CTNNA2: variants seen among roughly 807,000 people sequenced by gnomAD.
The protein encoded by CTNNA2 is catenin alpha-2.
Under a neutral mutation model 101.0 loss-of-function variants are expected in CTNNA2, and 42 were observed. The ratio of observed to expected loss-of-function variants is 0.42; its 90% confidence interval spans 0.32 to 0.54. The LOEUF is 0.54. CTNNA2 is among the 20% of genes least tolerant of loss of function. CTNNA2 has a pLI of 0.14. For missense variants in CTNNA2, 871 were observed against 1,223.1 expected (o/e 0.71, Z 4.29); for synonymous variants, 450 against 456.4 (o/e 0.99, Z 0.18).
At chr2:79,977,222 G>GCACA (rs72018840) in intron 7 of CTNNA2, among the ~76,000 whole-genome samples, 13,017 of 144,706 alleles carry the variant, frequency 0.09, 663 homozygotes, top group South Asian at 0.18. Flanking sequence ...GCATATGCAT[G>GCACA]CACACACACA....
chr2:79,207,041 G>A (rs1457118960), intron 2 of CTNNA2, among the ~76,000 whole-genome samples: 1 of 152,114 alleles, frequency 6.6e-6, no homozygotes, highest in African/African-American at 2.4e-5. Context: ...TGGCAATGTG[G>A]CAAAGTACAT....
rs538256551 is a variant in CTNNA2 at position 80,011,132 on chromosome 2, T to C, written c.1056+101335T>C. On this transcript the variant is annotated intron_variant, in intron 7 of 18. Transcript: ENST00000402739. The stretch of plus-strand genomic sequence containing the variant: ...CATTTTTACACCCCTCAAGAGCAAA[T>C]AGTCCATGCTTATTATTATTTAAAA... 2.6e-5 allele frequency among the ~76,000 whole-genome samples: 4 copies of C among 152,208 alleles called. No individual in the cohort carries two copies. In the South Asian group the frequency reaches 8.3e-4, roughly 32 times the overall value.
intron 1 of CTNNA2, among the ~76,000 whole-genome samples, chr2:79,609,034 AGTT>A (rs947000987): frequency 6.6e-5 from 10 of 152,054 alleles, no homozygotes; most frequent in Admixed American, 5.9e-4. Flanking sequence ...ACTTTTGCGA[AGTT>A]GTGGTATACA....
At chr2:80,449,973 T>G (rs979241381) in intron 9 of CTNNA2, among the ~76,000 whole-genome samples, 32 of 152,360 alleles carry the variant, frequency 2.1e-4, no homozygotes, top group Non-Finnish European at 4.1e-4. Flanking sequence ...TTGAATTTCC[T>G]GGAAAATTTG....
chr2:79,774,935 G>A (rs968698331), intron 3 of CTNNA2, among the ~76,000 whole-genome samples: 9 of 152,060 alleles, frequency 5.9e-5, no homozygotes, highest in African/African-American at 1.9e-4. Context: ...ATTGCAGATT[G>A]CGTCAGTAAC....
intron 9 of CTNNA2, among the ~76,000 whole-genome samples, chr2:80,465,111 G>C (rs1050136172): frequency 6.6e-6 from 1 of 152,082 alleles, no homozygotes; most frequent in Non-Finnish European, 1.5e-5. Context: ...TCTCCAGCAG[G>C]GAATCTTGCC....
chr2:80,187,583 G>C (rs1347519511), intron 7 of CTNNA2, among the ~76,000 whole-genome samples: 1 of 152,106 alleles, frequency 6.6e-6, no homozygotes, highest in African/African-American at 2.4e-5. Flanking sequence ...CAAGAACGAG[G>C]GCAGTAATAG....
At chr2:80,286,357 G>T (rs1325476214) in intron 7 of CTNNA2, among the ~76,000 whole-genome samples, 1 of 152,036 alleles carries the variant, frequency 6.6e-6, no homozygotes, top group African/African-American at 2.4e-5. Flanking sequence ...ACACTAGTCT[G>T]GACTCTGTTC....
intron 2 of CTNNA2, among the ~76,000 whole-genome samples, chr2:79,200,035 GA>G (rs1674012445): frequency 6.8e-6 from 1 of 147,610 alleles, no homozygotes; most frequent in African/African-American, 2.6e-5. Flanking sequence ...ATGAGACAGA[GA>G]GAGAGAGAGA....
chr2:79,426,434 T>C (rs537711562), intron 4 of CTNNA2, among the ~76,000 whole-genome samples: 11 of 152,300 alleles, frequency 7.2e-5, no homozygotes, highest in Non-Finnish European at 1.3e-4. Flanking sequence ...GGTTACATTC[T>C]GATTTTTTCA....
At chr2:80,232,041 C>T (rs898308733) in intron 7 of CTNNA2, among the ~76,000 whole-genome samples, 1 of 152,164 alleles carries the variant, frequency 6.6e-6, no homozygotes, top group African/African-American at 2.4e-5. Flanking sequence ...TAGATAATAA[C>T]TTAACTCTTT....
intron 3 of CTNNA2, among the ~76,000 whole-genome samples, chr2:79,813,784 A>T (rs1677236356): frequency 6.6e-6 from 1 of 152,222 alleles, no homozygotes; most frequent in Admixed American, 6.5e-5. Context: ...GCACACTCTT[A>T]TAAAAATGTC....
intron 7 of CTNNA2, among the ~76,000 whole-genome samples, chr2:80,289,497 C>T (rs1374273858): frequency 6.6e-6 from 1 of 152,154 alleles, no homozygotes; most frequent in Non-Finnish European, 1.5e-5. Context: ...CTTCTAGGAG[C>T]CAATTGCTCC....
chr2:80,576,051 C>T (rs17019366), intron 13 of CTNNA2, among the ~76,000 whole-genome samples: 4,264 of 152,180 alleles, frequency 0.028, 149 homozygotes, highest in East Asian at 0.12. Context: ...ATCCCTTGTG[C>T]TAAGGAAGAT....
chr2:79,308,782 G>GT (rs10691338), intron 2 of CTNNA2, among the ~76,000 whole-genome samples: 10,157 of 136,266 alleles, frequency 0.075, 462 homozygotes, highest in East Asian at 0.14. Context: ...TCATTTTATG[G>GT]TTTTTTTTTT....
At chr2:80,185,775 TGA>T in intron 7 of CTNNA2, among the ~76,000 whole-genome samples, 1 of 152,180 alleles carries the variant, frequency 6.6e-6, no homozygotes, top group Non-Finnish European at 1.5e-5. Flanking sequence ...ACTGAGAATA[TGA>T]GAGGTGCATT....
At chr2:80,581,881 A>G in intron 14 of CTNNA2, 62 bp downstream of exon 14, 2 of 994,986 alleles carry the variant, frequency 2.0e-6, no homozygotes, top group Non-Finnish European at 3.2e-6. Flanking sequence ...AAATGGTTTG[A>G]GGGTATTTCT....
intron 7 of CTNNA2, among the ~76,000 whole-genome samples, chr2:80,278,680 G>A (rs951121943): frequency 6.6e-6 from 1 of 152,116 alleles, no homozygotes; most frequent in African/African-American, 2.4e-5. Flanking sequence ...TTAAAGGAGA[G>A]AGAAAGAATG....
At chr2:79,728,278 T>C (rs1686985789) in intron 2 of CTNNA2, among the ~76,000 whole-genome samples, 1 of 152,158 alleles carries the variant, frequency 6.6e-6, no homozygotes, top group African/African-American at 2.4e-5. Flanking sequence ...TTCTAACTGG[T>C]GTGAGATGGT....
Sources: allele counts gnomAD v4.1 joint callset (sites outside exome capture counted in the v4.1 genomes callset), GRCh38; gene constraint gnomAD v4.1.1; transcripts MANE v1.5; gene names NCBI Gene and HGNC (gene_info 2026-07-23, HGNC 2026-07-21).